Variants in IFT56 observed in about 807,000 individuals in gnomAD.
IFT56 encodes the protein intraflagellar transport protein 56.
chr7:139,165,638 CT>C, the IFT56 span, among the ~76,000 whole-genome samples: 14 of 152,060 alleles, frequency 9.2e-5, no homozygotes, highest in African/African-American at 3.1e-4. Context: ...GATTGTCTGC[CT>C]TTCCGTTTCT....
the IFT56 span, among the ~76,000 whole-genome samples, chr7:139,163,674 C>G: frequency 6.6e-6 from 1 of 152,202 alleles, no homozygotes; most frequent in South Asian, 2.1e-4. Flanking sequence ...TTCAAGAGAA[C>G]AAAAACCCCT....
the IFT56 span, among the ~76,000 whole-genome samples, chr7:139,186,050 T>G: frequency 6.6e-6 from 1 of 151,978 alleles, no homozygotes; most frequent in Non-Finnish European, 1.5e-5. Flanking sequence ...AATAAAGAAG[T>G]AACTAAACCA....
chr7:139,174,166 G>C, the IFT56 span: 5 of 593,040 alleles, frequency 8.4e-6, no homozygotes, highest in Non-Finnish European at 1.3e-5. Context: ...ATGATCTTCA[G>C]TTGCCCACTT....
the IFT56 span, chr7:139,160,981 T>C: frequency 1.9e-6 from 3 of 1,613,712 alleles, no homozygotes; most frequent in Non-Finnish European, 2.5e-6. Flanking sequence ...CAATGCTTCT[T>C]CATCCTTTGA....
chr7:139,188,883 T>C, the IFT56 span, among the ~76,000 whole-genome samples: 2 of 152,230 alleles, frequency 1.3e-5, no homozygotes, highest in African/African-American at 4.8e-5. Context: ...TGATGCCTAG[T>C]TGAAGGTGGT....
the IFT56 span, among the ~76,000 whole-genome samples, chr7:139,166,449 C>G: frequency 4.6e-5 from 7 of 151,906 alleles, no homozygotes; most frequent in Non-Finnish European, 8.8e-5. Context: ...TTTTCATCAC[C>G]TCTTTTTTGT....
At chr7:139,137,991 T>A in the IFT56 span, 1 of 1,090,970 alleles carries the variant, frequency 9.2e-7, no homozygotes, top group Non-Finnish European at 1.4e-6. Flanking sequence ...AAAATGTTAT[T>A]AAACTTTATA....
chr7:139,176,696 T>C, the IFT56 span, among the ~76,000 whole-genome samples: 4,614 of 152,308 alleles, frequency 0.03, 247 homozygotes, highest in African/African-American at 0.11. Context: ...GAAAATTAAA[T>C]ATTTTTATCA....
the IFT56 span, among the ~76,000 whole-genome samples, chr7:139,163,877 C>T: frequency 1.3e-5 from 2 of 152,128 alleles, no homozygotes; most frequent in South Asian, 2.1e-4. Context: ...ATTTCGGGGT[C>T]GAGAGAAGAG....
chr7:139,134,928 T>A, the IFT56 span: 2 of 874,266 alleles, frequency 2.3e-6, no homozygotes, highest in Non-Finnish European at 3.4e-6. Context: ...CCTGTAAATC[T>A]AGTCAGGCAC....
At chr7:139,137,761 C>T in the IFT56 span, 1 of 977,298 alleles carries the variant, frequency 1.0e-6, no homozygotes. Flanking sequence ...TGCCTGTTGT[C>T]AGTAACCCAA....
At chr7:139,174,023 G>A in the IFT56 span, 10 of 615,768 alleles carry the variant, frequency 1.6e-5, no homozygotes, top group South Asian at 1.3e-4. Context: ...CAATGAGGAG[G>A]CCTTTTAAGA....
At chr7:139,141,184 G>A in the IFT56 span, among the ~76,000 whole-genome samples, 3 of 150,568 alleles carry the variant, frequency 2.0e-5, no homozygotes, top group African/African-American at 4.9e-5. Flanking sequence ...TGGTGTGAAC[G>A]CGGGAGGCGG....
chr7:139,147,438 T>G, the IFT56 span: 1 of 745,328 alleles, frequency 1.3e-6, no homozygotes. Flanking sequence ...AAGAATTAGA[T>G]ATTGTCTAAA....
chr7:139,174,948 G>A, the IFT56 span, among the ~76,000 whole-genome samples: 1 of 151,956 alleles, frequency 6.6e-6, no homozygotes, highest in African/African-American at 2.4e-5. Flanking sequence ...TTGAATCCAG[G>A]AGGCAGAGGT....
the IFT56 span, chr7:139,134,902 C>T: frequency 9.2e-7 from 1 of 1,085,380 alleles, no homozygotes; most frequent in Non-Finnish European, 1.3e-6. Flanking sequence ...CATTCTGGGG[C>T]TTCCTGTACA....
chr7:139,145,713 C>A, the IFT56 span, among the ~76,000 whole-genome samples: 1 of 151,770 alleles, frequency 6.6e-6, no homozygotes, highest in Non-Finnish European at 1.5e-5. Flanking sequence ...ACTGCCCCTG[C>A]CCCTTTTACA....
chr7:139,177,686 AAAATT>A, the IFT56 span, among the ~76,000 whole-genome samples: 1,161 of 151,936 alleles, frequency 7.6e-3, 22 homozygotes, highest in East Asian at 0.07. Flanking sequence ...CTAAAGGAAA[AAAATT>A]AAACAGGATA....
the IFT56 span, among the ~76,000 whole-genome samples, chr7:139,157,797 T>A: frequency 6.6e-6 from 1 of 152,166 alleles, no homozygotes; most frequent in Non-Finnish European, 1.5e-5. Flanking sequence ...TAAGCCACCA[T>A]GCTTTGCCTT....
Sources: gnomAD v4.1 joint callset for allele counts (sites outside exome capture counted in the v4.1 genomes callset) on GRCh38, gnomAD v4.1.1 for gene constraint, MANE v1.5 for transcripts, NCBI Gene and HGNC (gene_info 2026-07-23, HGNC 2026-07-21) for gene names.